CDK14: variants seen among roughly 807,000 people sequenced by gnomAD.
CDK14 encodes the protein cyclin dependent kinase 14, also known as cyclin-dependent kinase 14.
In CDK14, 34 loss-of-function variants were observed where a neutral mutation model predicts 60.7. That is an observed-to-expected ratio of 0.56 (90% CI 0.43 to 0.75). The LOEUF is 0.75. Ranked by LOEUF, CDK14 falls within the 30% of genes least tolerant of loss-of-function variation. The pLI, the probability that CDK14 is intolerant of heterozygous loss-of-function variation, is 0.00. For synonymous variants in CDK14, 197 were observed against 203.7 expected (o/e 0.97, Z 0.28); for missense variants, 482 against 564.1 (o/e 0.85, Z 1.47).
chr7:91,026,532 A>T (rs977858467), intron 10 of CDK14, among the ~76,000 whole-genome samples: 2 of 152,162 alleles, frequency 1.3e-5, no homozygotes, highest in African/African-American at 4.8e-5. Flanking sequence ...TTTGATCTTC[A>T]TTCTGTCTTT....
At chr7:90,879,656 G>A (rs1791676818) in intron 6 of CDK14, among the ~76,000 whole-genome samples, 2 of 152,132 alleles carry the variant, frequency 1.3e-5, no homozygotes, top group African/African-American at 4.8e-5. Context: ...ATGACAGGTT[G>A]ATGGTACAGC....
chr7:91,063,695 G>A (rs992819521), intron 11 of CDK14, among the ~76,000 whole-genome samples: 13 of 152,182 alleles, frequency 8.5e-5, no homozygotes, highest in Admixed American at 2.6e-4. Context: ...GAGCATCAAC[G>A]TATTTGTGGA....
chr7:91,059,278 A>T (rs571990730), intron 11 of CDK14, among the ~76,000 whole-genome samples: 1 of 150,284 alleles, frequency 6.7e-6, no homozygotes, highest in Non-Finnish European at 1.5e-5. Context: ...TATTGCATCT[A>T]TTTGATTCTT....
chr7:90,626,098 A>G (rs1799870341), intron 2 of CDK14, among the ~76,000 whole-genome samples: 1 of 152,206 alleles, frequency 6.6e-6, no homozygotes, highest in African/African-American at 2.4e-5. Context: ...TCTTGATCTG[A>G]GGCGAGTATT....
At chr7:90,989,528 G>A (rs1795473070) in intron 10 of CDK14, among the ~76,000 whole-genome samples, 1 of 152,100 alleles carries the variant, frequency 6.6e-6, no homozygotes, top group African/African-American at 2.4e-5. Flanking sequence ...GTGTCATGGT[G>A]TCAGCCTGTA....
chr7:90,721,943 A>G (rs953594574), intron 2 of CDK14, among the ~76,000 whole-genome samples: 13 of 152,182 alleles, frequency 8.5e-5, no homozygotes, highest in African/African-American at 3.1e-4. Context: ...ACAAGTTAAT[A>G]TAAGCATTCA....
At chr7:90,789,571 G>A (rs1275382512) in intron 4 of CDK14, among the ~76,000 whole-genome samples, 3 of 152,058 alleles carry the variant, frequency 2.0e-5, no homozygotes, top group Non-Finnish European at 4.4e-5. Flanking sequence ...TGTTTATATT[G>A]TATTAGGTAT....
At chr7:90,983,016 T>C (rs560836662) in intron 9 of CDK14, among the ~76,000 whole-genome samples, 3 of 152,194 alleles carry the variant, frequency 2.0e-5, no homozygotes, top group African/African-American at 7.2e-5. Flanking sequence ...CTCACACCAG[T>C]CAGAATGGTT....
chr7:90,770,169 C>T (rs12667743), intron 4 of CDK14, among the ~76,000 whole-genome samples: 31,161 of 152,160 alleles, frequency 0.2, 3,335 homozygotes, highest in South Asian at 0.24. Context: ...TGGTGATGAA[C>T]ACACATGTAA....
At chr7:91,181,117 T>C (rs1275946438) in intron 14 of CDK14, among the ~76,000 whole-genome samples, 1 of 152,232 alleles carries the variant, frequency 6.6e-6, no homozygotes, top group East Asian at 1.9e-4. Flanking sequence ...TTAATACTAT[T>C]AAATATTCAG....
At chr7:90,886,016 C>A (rs979162586) in intron 6 of CDK14, among the ~76,000 whole-genome samples, 5 of 152,218 alleles carry the variant, frequency 3.3e-5, no homozygotes, top group African/African-American at 9.6e-5. Context: ...GCACATATAT[C>A]TCGTTTTTCT....
intron 7 of CDK14, among the ~76,000 whole-genome samples, chr7:90,914,417 A>T (rs1053598865): frequency 6.6e-6 from 1 of 152,180 alleles, no homozygotes; most frequent in Non-Finnish European, 1.5e-5. Flanking sequence ...TGTGTCTGTC[A>T]CACTGAGTTA....
At chr7:90,928,041 A>C (rs11978162) in intron 8 of CDK14, among the ~76,000 whole-genome samples, 126,120 of 152,184 alleles carry the variant, frequency 0.83, 52,411 homozygotes, top group East Asian at 0.95. Context: ...ACGTAGTTCT[A>C]ATGCCATGGT....
intron 7 of CDK14, among the ~76,000 whole-genome samples, chr7:90,913,611 A>T (rs996753501): frequency 6.6e-6 from 1 of 152,194 alleles, no homozygotes; most frequent in Non-Finnish European, 1.5e-5. Flanking sequence ...GTGGTAAATG[A>T]TTTTTAAGGA....
At chr7:90,649,252 C>CTTTGTTTCTTTGTTTCTTCG (rs879793176) in intron 2 of CDK14, among the ~76,000 whole-genome samples, 1 of 45,396 alleles carries the variant, frequency 2.2e-5, no homozygotes, top group African/African-American at 8.1e-5. Flanking sequence ...TTCTTTCTTT[C>CTTTGTTTCTTTGTTTCTTCG]TTTCTTTCTT....
At chr7:90,852,786 A>C (rs1208185811) in intron 5 of CDK14, among the ~76,000 whole-genome samples, 1 of 152,190 alleles carries the variant, frequency 6.6e-6, no homozygotes, top group Non-Finnish European at 1.5e-5. Flanking sequence ...AGGTGAACTT[A>C]GGTGCTCACA....
intron 4 of CDK14, among the ~76,000 whole-genome samples, chr7:90,759,649 A>G (rs1584864852): frequency 1.3e-5 from 2 of 152,104 alleles, no homozygotes; most frequent in Non-Finnish European, 2.9e-5. Context: ...TCTGCACCCT[A>G]CCTCAAGTAG....
intron 2 of CDK14, among the ~76,000 whole-genome samples, chr7:90,606,144 C>T (rs1363974329): frequency 2.6e-5 from 4 of 152,144 alleles, no homozygotes; most frequent in Non-Finnish European, 4.4e-5. Context: ...TAATAATTTT[C>T]CCACTCCATC....
At chr7:90,714,259 C>G (rs1802165132) in intron 2 of CDK14, among the ~76,000 whole-genome samples, 1 of 152,036 alleles carries the variant, frequency 6.6e-6, no homozygotes. Flanking sequence ...GCCCCAGCAG[C>G]TTATTCCTCA....
Sources: gnomAD v4.1 joint callset for allele counts (sites outside exome capture counted in the v4.1 genomes callset) on GRCh38, gnomAD v4.1.1 for gene constraint, MANE v1.5 for transcripts, NCBI Gene and HGNC (gene_info 2026-07-23, HGNC 2026-07-21) for gene names.